ESR2: variants seen among roughly 807,000 people sequenced by gnomAD.
ESR2 encodes the protein estrogen receptor beta.
In ESR2, 36 loss-of-function variants were observed where a neutral mutation model predicts 49.6. The ratio of observed to expected loss-of-function variants is 0.73; its 90% confidence interval spans 0.56 to 0.96. The LOEUF is 0.96. Among genes scored for constraint, ESR2 ranks in the 40% least tolerant of loss-of-function variants. The pLI is 0.00. For synonymous variants in ESR2, 320 were observed against 266.1 expected, an observed-to-expected ratio of 1.20 and a Z score of -1.97; for missense variants, 714 against 693.0, an observed-to-expected ratio of 1.03 and a Z score of -0.34.
At chr14:64,257,911 G>A (rs1472318730) in intron 5 of ESR2, among the ~76,000 whole-genome samples, 1 of 152,112 alleles carries the variant, frequency 6.6e-6, no homozygotes, top group Non-Finnish European at 1.5e-5. Context: ...TAGAAGCACT[G>A]TTTCTGGGTG....
chr14:64,262,956 G>T (rs1404126394), intron 4 of ESR2, among the ~76,000 whole-genome samples: 1 of 151,918 alleles, frequency 6.6e-6, no homozygotes, highest in African/African-American at 2.4e-5. Context: ...TTTTAAACTA[G>T]CAAAAGAAGA....
At chr14:64,254,859 T>A (rs2076066692) in intron 6 of ESR2, among the ~76,000 whole-genome samples, 1 of 149,896 alleles carries the variant, frequency 6.7e-6, no homozygotes, top group African/African-American at 2.5e-5. Context: ...TCAACATGAA[T>A]GCATTTACAA....
chr14:64,235,774 G>T (rs973635720), intron 7 of ESR2, among the ~76,000 whole-genome samples: 7 of 152,122 alleles, frequency 4.6e-5, no homozygotes, highest in Non-Finnish European at 8.8e-5. Flanking sequence ...ACTGAGCAAC[G>T]CATGCAGGAA....
intron 1 of ESR2, among the ~76,000 whole-genome samples, chr14:64,331,592 C>T (rs548436410): frequency 3.3e-5 from 5 of 151,944 alleles, no homozygotes; most frequent in South Asian, 2.1e-4. Flanking sequence ...TTTCGGAGGC[C>T]GAGGTGGGCA....
At chr14:64,330,585 T>G (rs751039487) in intron 1 of ESR2, 6 of 152,246 alleles carry the variant, frequency 3.9e-5, no homozygotes, top group Non-Finnish European at 8.8e-5. Flanking sequence ...TTGCAGAAGG[T>G]CAGTCTTTTG....
At chr14:64,257,441 A>T in intron 5 of ESR2, 77 bp from the exon 6 acceptor site, 1 of 1,567,546 alleles carries the variant, frequency 6.4e-7, no homozygotes, top group Admixed American at 1.9e-5. Context: ...CAGAATGGCA[A>T]GTGTTAAAAC....
chr14:64,260,810 C>A (rs1384035223), intron 4 of ESR2, 62 bp from the exon 5 acceptor site: 1 of 1,396,174 alleles, frequency 7.2e-7, no homozygotes, highest in Non-Finnish European at 9.4e-7. Flanking sequence ...GCAAAAGCAG[C>A]TTGACTTTTA....
At chr14:64,250,887 CAG>C (rs2075973029) in intron 6 of ESR2, among the ~76,000 whole-genome samples, 1 of 152,200 alleles carries the variant, frequency 6.6e-6, no homozygotes. Flanking sequence ...CTCGCTCACA[CAG>C]AGCTACAAGC....
At position 64,228,529 on chromosome 14, in the gene ESR2, T is replaced by C. The variant is rs2098724466; in HGVS notation, c.*4608A>G. Among the ~76,000 whole-genome samples the C allele has an allele frequency of 6.6e-6, 1 of 152,152 alleles. No homozygotes were observed. Among genetic ancestry groups the C allele is most frequent in the African/African-American group, 2.4e-5 (1 of 41,420 alleles). ...TGAAGTCAACAAATTAGTGTAATGA[T>C]ACAAAGCATTCGTCTGAGAAAATGG... On this transcript the variant is annotated 3_prime_UTR_variant, in exon 9 of 9. Transcript: ENST00000341099.
chr14:64,227,624 A>G, downstream of ESR2: 1 of 1,614,072 alleles, frequency 6.2e-7, no homozygotes, highest in Non-Finnish European at 8.5e-7. Context: ...CCTTAAGTAG[A>G]GATGCGGGAC....
At chr14:64,319,599 A>G (rs1221070416) in intron 1 of ESR2, among the ~76,000 whole-genome samples, 1 of 152,262 alleles carries the variant, frequency 6.6e-6, no homozygotes, top group East Asian at 1.9e-4. Context: ...AAAGAACTCA[A>G]TTTAAAAATG....
intron 1 of ESR2, among the ~76,000 whole-genome samples, chr14:64,328,363 G>A (rs1229302062): frequency 6.6e-6 from 1 of 151,970 alleles, no homozygotes; most frequent in Non-Finnish European, 1.5e-5. Flanking sequence ...AGGTTGCAGT[G>A]AGCTGAAATT....
chr14:64,327,183 T>G (rs1322559569), intron 1 of ESR2, among the ~76,000 whole-genome samples: 1 of 152,198 alleles, frequency 6.6e-6, no homozygotes, highest in African/African-American at 2.4e-5. Context: ...GTCAATAGAC[T>G]GAAAGATATG....
Position 64,282,834 on chromosome 14 carries a change from G to A in ESR2, c.152C>T (p.Pro51Leu), listed in dbSNP as rs777634220. 1.1e-5 allele frequency: 17 copies of A among 1,614,056 alleles called. No individual in the cohort carries two copies. Among genetic ancestry groups the A allele is most frequent in the Middle Eastern group, 1.6e-4 (1 of 6,082 alleles). The change falls in exon 2 of 9, where the codon CCT (proline) becomes CTT (leucine). Residue 51 changes from proline to leucine, a missense_variant. By Grantham distance (98) the Pro-to-Leu change is moderately conservative (BLOSUM62 -3). Coordinates refer to ENST00000341099, the MANE Select transcript of ESR2 (RefSeq NM_001437.3). ...HEYPAMTFYS[P>L]AVMNYSIPSN... ...GGGAATGCTGTAATTCATCACAGCAGGGCTATAGAATGTCATGGCTGGATA... is the reference window on the plus strand; with the variant it reads ...GGGAATGCTGTAATTCATCACAGCAAGGCTATAGAATGTCATGGCTGGATA...
chr14:64,317,998 G>A (rs927735537), intron 1 of ESR2, among the ~76,000 whole-genome samples: 2 of 152,116 alleles, frequency 1.3e-5, no homozygotes, highest in Non-Finnish European at 2.9e-5. Flanking sequence ...GATCTAGCCA[G>A]TGCAATGAGG....
chr14:64,301,989 C>T (rs1214195289), intron 1 of ESR2, among the ~76,000 whole-genome samples: 1 of 151,836 alleles, frequency 6.6e-6, no homozygotes, highest in Non-Finnish European at 1.5e-5. Flanking sequence ...GGATTAAATG[C>T]CTGCCTGGAG....
Position 64,257,305 on chromosome 14 carries a change from C to CATTAA in ESR2, c.1011_1012insTTAAT (p.Val338LeufsTer4). 1 of 1,614,046 alleles carries CATTAA rather than the reference C, an allele frequency of 6.2e-7. No homozygotes were observed. Among genetic ancestry groups the CATTAA allele is most frequent in the Non-Finnish European group, 8.5e-7 (1 of 1,180,024 alleles). ...CGCCACATCAGCCCCATCATTAACA[C>CATTAA]CTCCATCCAACAGCTCTCCAAGAGC... On this transcript the variant is annotated frameshift_variant, in exon 6 of 9. Coordinates refer to ENST00000341099, the MANE Select transcript of ESR2 (RefSeq NM_001437.3). LOFTEE classifies it high-confidence loss of function.
upstream of ESR2, among the ~76,000 whole-genome samples, chr14:64,298,127 GAATT>G (rs79006064): frequency 1.1e-4 from 16 of 152,282 alleles, no homozygotes; most frequent in Non-Finnish European, 1.6e-4. Flanking sequence ...TTTGAAACTT[GAATT>G]TGGATAGAGC....
At chr14:64,324,001 T>G (rs1056202145) in intron 1 of ESR2, among the ~76,000 whole-genome samples, 1 of 152,204 alleles carries the variant, frequency 6.6e-6, no homozygotes, top group Non-Finnish European at 1.5e-5. Context: ...CAGTCCTATA[T>G]GTTTGTAAAA....
Sources: allele counts gnomAD v4.1 joint callset (sites outside exome capture counted in the v4.1 genomes callset), GRCh38; gene constraint gnomAD v4.1.1; transcripts MANE v1.5; gene names NCBI Gene and HGNC (gene_info 2026-07-23, HGNC 2026-07-21).